Variants in ACVR1 observed in about 807,000 individuals in gnomAD.
ACVR1 encodes the protein activin receptor type-1.
In ACVR1, 38 loss-of-function variants were observed where a neutral mutation model predicts 57.1. The observed-to-expected ratio is 0.67, with a 90% confidence interval of 0.51 to 0.87. The LOEUF is 0.87. ACVR1 is among the 40% of genes least tolerant of loss of function. The pLI, the probability that ACVR1 is intolerant of heterozygous loss-of-function variation, is 0.00. For synonymous variants in ACVR1, 212 were observed against 228.1 expected, an observed-to-expected ratio of 0.93 and a Z score of 0.63; for missense variants, 463 against 638.2, an observed-to-expected ratio of 0.73 and a Z score of 2.96.
intron 9 of ACVR1, 25 bp downstream of exon 9, chr2:157,760,855 A>G (rs907292781): frequency 9.3e-6 from 15 of 1,610,482 alleles, no homozygotes; most frequent in Admixed American, 3.3e-5. Context: ...GATTAAGACA[A>G]TATTATATTA....
intron 9 of ACVR1, among the ~76,000 whole-genome samples, chr2:157,750,772 C>T (rs377712234): frequency 3.3e-5 from 5 of 151,430 alleles, no homozygotes; most frequent in Admixed American, 1.3e-4. Flanking sequence ...GTAAAATGCC[C>T]GAAAACAAAT....
intron 1 of ACVR1, among the ~76,000 whole-genome samples, chr2:157,841,804 A>C (rs973537509): frequency 6.6e-6 from 1 of 152,154 alleles, no homozygotes; most frequent in African/African-American, 2.4e-5. Context: ...CAGGCAGATC[A>C]TGAGGTCAGG....
At chr2:157,812,015 T>G (rs1004994312) in intron 2 of ACVR1, among the ~76,000 whole-genome samples, 1 of 152,168 alleles carries the variant, frequency 6.6e-6, no homozygotes, top group Non-Finnish European at 1.5e-5. Context: ...AGATGTTATA[T>G]AGAAAAGGTT....
intron 9 of ACVR1, among the ~76,000 whole-genome samples, chr2:157,757,238 T>TA (rs1242437093): frequency 6.6e-6 from 1 of 151,512 alleles, no homozygotes; most frequent in Non-Finnish European, 1.5e-5. Flanking sequence ...GCCTACGTGA[T>TA]ATATGGGACA....
intron 1 of ACVR1, among the ~76,000 whole-genome samples, chr2:157,864,517 G>A (rs992097255): frequency 3.9e-5 from 6 of 152,098 alleles, no homozygotes; most frequent in African/African-American, 1.4e-4. Context: ...ATCACACTTG[G>A]ACACCACACT....
rs752485468 is a variant in ACVR1 at position 157,855,321 on chromosome 2, T to TAC, written c.-183+20474_-183+20475insGT. On this transcript the variant is annotated intron_variant, in intron 1 of 10. Coordinates refer to ENST00000434821, the MANE Select transcript of ACVR1 (RefSeq NM_001111067.4). ...GTGTGTGTGTGTGTATATATATATA[T>TAC]ATACACACACACACACACACACACA... is the stretch of plus-strand genomic sequence containing the variant. 8.0e-4 allele frequency among the ~76,000 whole-genome samples: 87 copies of TAC among 109,382 alleles called. 1 individual carries two copies. Among genetic ancestry groups the TAC allele is most frequent in the Middle Eastern group, 5.3e-3 (1 of 190 alleles). 71.8% of individuals were successfully genotyped at this position (109,382 alleles called of 152,430 possible).
intron 1 of ACVR1, among the ~76,000 whole-genome samples, chr2:157,830,682 G>A (rs868556977): frequency 1.3e-5 from 2 of 149,602 alleles, no homozygotes; most frequent in Non-Finnish European, 3.0e-5. Context: ...AATATTACTG[G>A]AAACTAAATT....
intron 1 of ACVR1, among the ~76,000 whole-genome samples, chr2:157,849,009 T>C (rs1008893448): frequency 6.6e-6 from 1 of 152,144 alleles, no homozygotes; most frequent in African/African-American, 2.4e-5. Context: ...TAGTAGCAAA[T>C]CCCATTGGCT....
chr2:157,819,099 A>G (rs897030523), intron 1 of ACVR1, among the ~76,000 whole-genome samples: 1 of 150,590 alleles, frequency 6.6e-6, no homozygotes, highest in Non-Finnish European at 1.5e-5. Flanking sequence ...AAAAAAAAAA[A>G]AAAACCAGTA....
At chr2:157,829,597 C>G (rs539438408) in intron 1 of ACVR1, among the ~76,000 whole-genome samples, 1 of 152,302 alleles carries the variant, frequency 6.6e-6, no homozygotes, top group Admixed American at 6.5e-5. Flanking sequence ...GTACCCTCAC[C>G]CTAATTGTAT....
chr2:157,824,254 G>A (rs1022087594), intron 1 of ACVR1, among the ~76,000 whole-genome samples: 4 of 152,114 alleles, frequency 2.6e-5, no homozygotes, highest in Non-Finnish European at 4.4e-5. Flanking sequence ...GATTGCTTGA[G>A]CCCAGGAGTT....
Position 157,765,615 on chromosome 2 carries a change from G to T in ACVR1, c.1066+306C>A, listed in dbSNP as rs554262799. Among the ~76,000 whole-genome samples the T allele has an allele frequency of 9.2e-4, 140 of 152,288 alleles. 1 individual carries two copies. The highest frequency in any genetic ancestry group is 6.8e-3 in the Middle Eastern group (2 of 294). On this transcript the variant is annotated intron_variant, in intron 8 of 10. Coordinates refer to ENST00000434821, the MANE Select transcript of ACVR1 (RefSeq NM_001111067.4). ...GCATTCTTGTCAATGATATACTAGT[G>T]TACATGCTGAAATCATCAGAAGAAA... is the stretch of plus-strand genomic sequence containing the variant.
chr2:157,846,415 C>T (rs1244045411), intron 1 of ACVR1, among the ~76,000 whole-genome samples: 1 of 152,204 alleles, frequency 6.6e-6, no homozygotes, highest in African/African-American at 2.4e-5. Context: ...CTGAATTCTT[C>T]ATGAAATGAC....
At chr2:157,838,959 G>A (rs1688883399) in intron 1 of ACVR1, among the ~76,000 whole-genome samples, 1 of 152,134 alleles carries the variant, frequency 6.6e-6, no homozygotes, top group African/African-American at 2.4e-5. Flanking sequence ...TTTCTGCAAT[G>A]CACCAATAAC....
At chr2:157,840,812 G>A (rs1246286237) in intron 1 of ACVR1, among the ~76,000 whole-genome samples, 4 of 152,244 alleles carry the variant, frequency 2.6e-5, no homozygotes, top group African/African-American at 9.6e-5. Flanking sequence ...CCGCCAAGGC[G>A]ATCACGCGCC....
At chr2:157,873,783 TA>T (rs1425089216) in intron 1 of ACVR1, among the ~76,000 whole-genome samples, 3 of 152,220 alleles carry the variant, frequency 2.0e-5, no homozygotes, top group Non-Finnish European at 4.4e-5. Flanking sequence ...ATCTCTGTTA[TA>T]CCTTCCTTGG....
chr2:157,776,904 A>C (rs578039364), intron 5 of ACVR1, among the ~76,000 whole-genome samples: 54 of 152,366 alleles, frequency 3.5e-4, no homozygotes, highest in African/African-American at 1.3e-3. Context: ...AGTAAAACTG[A>C]ATCACATTAG....
intron 1 of ACVR1, among the ~76,000 whole-genome samples, chr2:157,852,701 C>G (rs1163332074): frequency 2.0e-5 from 3 of 152,184 alleles, no homozygotes; most frequent in Admixed American, 1.3e-4. Flanking sequence ...CAAACATCAT[C>G]TGCCATAGTT....
intron 2 of ACVR1, among the ~76,000 whole-genome samples, chr2:157,811,234 G>A (rs1214087934): frequency 6.6e-6 from 1 of 152,054 alleles, no homozygotes; most frequent in Non-Finnish European, 1.5e-5. Context: ...TTAAATCTTG[G>A]TTTAGGCCCC....
Sources: gnomAD v4.1 joint callset for allele counts (sites outside exome capture counted in the v4.1 genomes callset) on GRCh38, gnomAD v4.1.1 for gene constraint, MANE v1.5 for transcripts, NCBI Gene and HGNC (gene_info 2026-07-23, HGNC 2026-07-21) for gene names.